YKT6: variants seen among roughly 807,000 people sequenced by gnomAD.
YKT6 encodes synaptobrevin homolog YKT6.
In YKT6, 12 loss-of-function variants were observed where a neutral mutation model predicts 29.3. The observed-to-expected ratio is 0.41, with a 90% CI of 0.26 to 0.66. The LOEUF is 0.66. Among genes scored for constraint, YKT6 ranks in the 30% least tolerant of loss-of-function variants. The probability of loss-of-function intolerance (pLI) is 0.32; values close to 1 mark genes in which losing one functional copy is unlikely to be tolerated. For synonymous variants in YKT6, 86 were observed against 94.3 expected, an observed-to-expected ratio of 0.91 and a Z score of 0.51; for missense variants, 188 against 243.8, an observed-to-expected ratio of 0.77 and a Z score of 1.52.
chr7:44,210,155 C>T (rs758206611), intron 5 of YKT6, among the ~76,000 whole-genome samples: 4 of 152,060 alleles, frequency 2.6e-5, no homozygotes, highest in South Asian at 2.1e-4. Flanking sequence ...GTACTCAGAG[C>T]GCTGCTCAGT....
rs992907543 is a variant in YKT6, at chr7:44,211,336, G to A, written c.561+212G>A. On this transcript the variant is annotated intron_variant, in intron 6 of 6. Coordinates refer to ENST00000223369, the MANE Select transcript of YKT6 (RefSeq NM_006555.4). ...GGCGCCGTTGGAGTCGATGCGGGCC[G>A]AGGCCTTGTTCCACTCCTGCCTCTG... is the stretch of plus-strand genomic sequence containing the variant. Among the ~76,000 whole-genome samples, 7 of 152,176 alleles carry A rather than the reference G, an allele frequency of 4.6e-5. No individual in the cohort carries two copies. The South Asian group carries it at 6.2e-4, about 14-fold the overall frequency.
chr7:44,202,693 A>G (rs1299887422), intron 1 of YKT6, among the ~76,000 whole-genome samples: 1 of 152,176 alleles, frequency 6.6e-6, no homozygotes, highest in African/African-American at 2.4e-5. Flanking sequence ...TTGCTTCCAC[A>G]TTTCAGCCAT....
rs1031824056 is a variant in YKT6 at position 44,202,272 on chromosome 7, A to T, written c.104+1033A>T. Among the ~76,000 whole-genome samples, 125 of 152,362 alleles carry T rather than the reference A, an allele frequency of 8.2e-4. 1 individual carries two copies. Among genetic ancestry groups the T allele is most frequent in the African/African-American group, 2.7e-3 (113 of 41,584 alleles). ...CTGCTTCTTTGAGTTCTTTTAAAAA[A>T]ATATTTTTAATTGTGGTAAAATGGT... On this transcript the variant is annotated intron_variant, in intron 1 of 6. Transcript: ENST00000223369.
chr7:44,214,292 T>G lies in YKT6; in HGVS notation c.*2010T>G, dbSNP rs940803636. 6.6e-5 allele frequency: 10 copies of G among 152,258 alleles called. No individual in the cohort carries two copies. The highest frequency in any genetic ancestry group is 2.4e-4 in the African/African-American group (10 of 41,452). The allele number at this position is 152,258 out of a possible 1,614,324, so 9.4% of individuals were successfully genotyped here. A position where few individuals can be genotyped will look rare whatever the true frequency, so the allele number is the denominator to read the frequency against. The stretch of plus-strand genomic sequence containing the variant: ...GTCTGGATAAAGTTGTCTTGAAATT[T>G]CACAGTGGTCCTGTGCTTTCTTTGT... On this transcript the variant is annotated 3_prime_UTR_variant, in exon 7 of 7. Transcript: ENST00000223369.
intron 3 of YKT6, among the ~76,000 whole-genome samples, chr7:44,207,174 G>A (rs1052124562): frequency 6.6e-6 from 1 of 152,134 alleles, no homozygotes; most frequent in Non-Finnish European, 1.5e-5. Flanking sequence ...TTGATTCTCA[G>A]AATATTTAGG....
Position 44,212,297 on chromosome 7 carries a change from G to A in YKT6, c.*15G>A, listed in dbSNP as rs2096347697. 2 of 1,613,502 alleles carry A rather than the reference G, an allele frequency of 1.2e-6. No individual in the cohort carries two copies. Among genetic ancestry groups the A allele is most frequent in the South Asian group, 1.1e-5 (1 of 91,040 alleles). On this transcript the variant is annotated 3_prime_UTR_variant, in exon 7 of 7. Coordinates refer to ENST00000223369, the MANE Select transcript of YKT6 (RefSeq NM_006555.4). Reference sequence around the variant, plus strand: ...CCATCATGTGATGCAGCCTGCCAGAGGCCCAATGCTGGAATGGCACCATCA... The same window carrying A: ...CCATCATGTGATGCAGCCTGCCAGAAGCCCAATGCTGGAATGGCACCATCA...
chr7:44,209,798 T>C (rs145846359), intron 5 of YKT6, among the ~76,000 whole-genome samples: 1 of 152,330 alleles, frequency 6.6e-6, no homozygotes, highest in Non-Finnish European at 1.5e-5. Context: ...TTGTGAGGTC[T>C]CCATCTCTAG....
At chr7:44,208,028 C>A in intron 4 of YKT6, 105 bp from the exon 5 acceptor site, 1 of 1,219,190 alleles carries the variant, frequency 8.2e-7, no homozygotes. Flanking sequence ...CCGGCCCAGG[C>A]TGTGGTTTTT....
intron 2 of YKT6, among the ~76,000 whole-genome samples, chr7:44,205,414 C>T (rs1285596183): frequency 6.6e-6 from 1 of 152,194 alleles, no homozygotes; most frequent in Admixed American, 6.5e-5. Context: ...CACTTTGACC[C>T]CATGTTTGAA....
intron 2 of YKT6, among the ~76,000 whole-genome samples, chr7:44,206,179 C>T (rs1189976551): frequency 6.6e-6 from 1 of 152,192 alleles, no homozygotes; most frequent in Non-Finnish European, 1.5e-5. Flanking sequence ...TGGGTATTTA[C>T]TGGTCCTAAA....
intron 5 of YKT6, among the ~76,000 whole-genome samples, chr7:44,209,638 G>A (rs763319297): frequency 2.6e-5 from 4 of 152,190 alleles, no homozygotes; most frequent in African/African-American, 7.2e-5. Flanking sequence ...AATTTGAGTC[G>A]CTCAGCTGTG....
chr7:44,201,057 C>A lies in YKT6; in HGVS notation c.-79C>A. Reference sequence around the variant, plus strand: ...TGAGAGGCCGGTAGGCGGCGGCGGTCCCGAGGGGCGGCGGCCGCGCTGCTC... The same window carrying A: ...TGAGAGGCCGGTAGGCGGCGGCGGTACCGAGGGGCGGCGGCCGCGCTGCTC... On this transcript the variant is annotated 5_prime_UTR_variant, in exon 1 of 7. Coordinates refer to ENST00000223369, the MANE Select transcript of YKT6 (RefSeq NM_006555.4). 7.6e-7 allele frequency: 1 copy of A among 1,309,264 alleles called. No homozygotes were observed. Among genetic ancestry groups the A allele is most frequent in the South Asian group, 1.5e-5 (1 of 67,726 alleles). The allele number at this position is 1,309,264 out of a possible 1,614,324, so 81.1% of individuals were successfully genotyped here.
chr7:44,213,177 C>G lies in YKT6; in HGVS notation c.*895C>G, dbSNP rs750229593. On this transcript the variant is annotated 3_prime_UTR_variant, in exon 7 of 7. Transcript: ENST00000223369. ...TTGACTTGCAACTTGCCTTGAACAT[C>G]ACGATCAAAGCAGCAGGTGCTGTGG... 6.6e-6 allele frequency: 1 copy of G among 152,292 alleles called. No homozygotes were observed. The highest frequency in any genetic ancestry group is 2.4e-5 in the African/African-American group (1 of 41,468). The allele number at this position is 152,292 out of a possible 1,614,324, so 9.4% of individuals were successfully genotyped here. A position where few individuals can be genotyped will look rare whatever the true frequency, so the allele number is the denominator to read the frequency against.
intron 2 of YKT6, among the ~76,000 whole-genome samples, chr7:44,205,091 C>A (rs2096339492): frequency 6.6e-6 from 1 of 151,028 alleles, no homozygotes; most frequent in Admixed American, 6.6e-5. Context: ...GTATGTTATA[C>A]AGACAGATCA....
intron 2 of YKT6, 67 bp downstream of exon 2, chr7:44,204,717 C>T (rs532332853): frequency 7.4e-5 from 110 of 1,484,508 alleles, no homozygotes; most frequent in Middle Eastern, 3.5e-4. Context: ...CACATAGCAC[C>T]CAGCTTTCTC....
rs1256289534 is a variant in YKT6 at position 44,201,047 on chromosome 7, C to A, written c.-89C>A. 11 of 1,128,430 alleles carry A rather than the reference C, an allele frequency of 9.7e-6. No individual in the cohort carries two copies. Among genetic ancestry groups the A allele is most frequent in the African/African-American group, 1.7e-5 (1 of 60,212 alleles). 69.9% of individuals were successfully genotyped at this position (1,128,430 alleles called of 1,614,324 possible). On this transcript the variant is annotated 5_prime_UTR_variant, in exon 1 of 7. Coordinates refer to ENST00000223369, the MANE Select transcript of YKT6 (RefSeq NM_006555.4). The stretch of plus-strand genomic sequence containing the variant: ...AGCCGGCTGCTGAGAGGCCGGTAGG[C>A]GGCGGCGGTCCCGAGGGGCGGCGGC...
At chr7:44,207,754 TCTCA>T (rs1244675560) in intron 4 of YKT6, among the ~76,000 whole-genome samples, 3 of 151,070 alleles carry the variant, frequency 2.0e-5, no homozygotes, top group Admixed American at 1.3e-4. Context: ...TGAGTTGGAG[TCTCA>T]CTCTGTTTCC....
chr7:44,202,759 C>T (rs1053301281), intron 1 of YKT6, among the ~76,000 whole-genome samples: 1 of 152,182 alleles, frequency 6.6e-6, no homozygotes, highest in East Asian at 1.9e-4. Context: ...AGACCCTGCT[C>T]GCATTTTTTT....
chr7:44,204,581 A>C lies in YKT6; in HGVS notation c.118A>C (p.Met40Leu). The C allele has an allele frequency of 6.2e-7, 1 of 1,614,240 alleles. No homozygotes were observed. Among genetic ancestry groups the C allele is most frequent in the Non-Finnish European group, 8.5e-7 (1 of 1,180,024 alleles). ...TGTGTTTCTTAGCGTTCAGGAATTCATGACCTTCACGAGTCAACTGATTGT... is the reference window on the plus strand; with the variant it reads ...TGTGTTTCTTAGCGTTCAGGAATTCCTGACCTTCACGAGTCAACTGATTGT... ...FFQRSSVQEFMTFTSQLIVER... is the reference protein window; with the variant it reads ...FFQRSSVQEFLTFTSQLIVER... The change falls in exon 2 of 7, where the codon ATG becomes CTG. Residue 40 changes from methionine to leucine, a missense_variant. Coordinates refer to ENST00000223369, the MANE Select transcript of YKT6 (RefSeq NM_006555.4).
Sources: gnomAD v4.1 joint callset for allele counts (sites outside exome capture counted in the v4.1 genomes callset) on GRCh38, gnomAD v4.1.1 for gene constraint, MANE v1.5 for transcripts, NCBI Gene and HGNC (gene_info 2026-07-23, HGNC 2026-07-21) for gene names.